Variants in ZNF804A observed in about 807,000 individuals in gnomAD.
ZNF804A encodes the protein zinc finger protein 804A.
In ZNF804A, 2 loss-of-function variants were observed where a neutral mutation model predicts 16.5. The observed-to-expected ratio is 0.12, with a 90% CI of 0.05 to 0.38. ZNF804A has a LOEUF of 0.38. ZNF804A is among the 10% of genes least tolerant of loss of function. ZNF804A has a pLI of 0.99. For missense variants in ZNF804A, 1,473 were observed against 1,390.7 expected (o/e 1.06, Z -0.94); for synonymous variants, 534 against 489.6 (o/e 1.09, Z -1.20).
At chr2:184,717,531 A>G (rs991109934) in intron 1 of ZNF804A, among the ~76,000 whole-genome samples, 1 of 152,198 alleles carries the variant, frequency 6.6e-6, no homozygotes, top group Non-Finnish European at 1.5e-5. Flanking sequence ...ATAGGAGAGA[A>G]GAGAGATACT....
chr2:184,613,738 G>A (rs1391987668), intron 1 of ZNF804A, among the ~76,000 whole-genome samples: 1 of 152,042 alleles, frequency 6.6e-6, no homozygotes, highest in African/African-American at 2.4e-5. Context: ...GAATGTGAAG[G>A]ACCTCTTCAA....
intron 1 of ZNF804A, among the ~76,000 whole-genome samples, chr2:184,760,339 A>G (rs1197988810): frequency 2.0e-5 from 3 of 152,184 alleles, no homozygotes; most frequent in African/African-American, 4.8e-5. Context: ...ATATGTAAAT[A>G]AGTACATATG....
chr2:184,730,348 T>C (rs1051074814), intron 1 of ZNF804A, among the ~76,000 whole-genome samples: 6 of 152,136 alleles, frequency 3.9e-5, no homozygotes, highest in Non-Finnish European at 5.9e-5. Context: ...GAGTAGTATA[T>C]TTGTTAAAAT....
chr2:184,682,233 G>T (rs564319054), intron 1 of ZNF804A, among the ~76,000 whole-genome samples: 1 of 152,350 alleles, frequency 6.6e-6, no homozygotes, highest in South Asian at 2.1e-4. Context: ...CAAGCCCGGA[G>T]GGTGTCAGCA....
At chr2:184,899,228 G>A (rs535938622) in intron 2 of ZNF804A, among the ~76,000 whole-genome samples, 1 of 152,044 alleles carries the variant, frequency 6.6e-6, no homozygotes, top group South Asian at 2.1e-4. Context: ...AATATAAGAT[G>A]TATATGTGTG....
chr2:184,691,253 C>CA (rs1692720436), intron 1 of ZNF804A, among the ~76,000 whole-genome samples: 1 of 151,940 alleles, frequency 6.6e-6, no homozygotes, highest in East Asian at 1.9e-4. Context: ...ACTTGCTCAG[C>CA]AAAAAACCTT....
chr2:184,880,985 T>C (rs774698581), intron 2 of ZNF804A, among the ~76,000 whole-genome samples: 3 of 152,076 alleles, frequency 2.0e-5, no homozygotes, highest in Admixed American at 6.6e-5. Context: ...ATTCAGGAGA[T>C]AGTTGAAACC....
At chr2:184,701,938 A>G (rs1440935072) in intron 1 of ZNF804A, among the ~76,000 whole-genome samples, 1 of 151,994 alleles carries the variant, frequency 6.6e-6, no homozygotes, top group Non-Finnish European at 1.5e-5. Context: ...CATTTGATAA[A>G]GCACTTTGGT....
intron 2 of ZNF804A, among the ~76,000 whole-genome samples, chr2:184,899,503 T>C (rs1227593201): frequency 6.6e-6 from 1 of 152,012 alleles, no homozygotes; most frequent in African/African-American, 2.4e-5. Context: ...GCATGGATTC[T>C]AGGGGATTTA....
chr2:184,851,027 T>G (rs542959217), intron 1 of ZNF804A, among the ~76,000 whole-genome samples: 12 of 151,932 alleles, frequency 7.9e-5, no homozygotes, highest in African/African-American at 2.4e-4. Context: ...CTGTTCTGTT[T>G]GCTTTTTTAC....
intron 1 of ZNF804A, among the ~76,000 whole-genome samples, chr2:184,617,525 C>A (rs1406518373): frequency 6.6e-6 from 1 of 151,770 alleles, no homozygotes; most frequent in African/African-American, 2.4e-5. Flanking sequence ...GAAGATTTAA[C>A]AATTGAGAGC....
intron 1 of ZNF804A, among the ~76,000 whole-genome samples, chr2:184,828,863 A>G (rs1695216137): frequency 1.3e-5 from 2 of 151,872 alleles, no homozygotes; most frequent in Admixed American, 1.3e-4. Context: ...TAGGTCACTA[A>G]AACTATTCTT....
chr2:184,910,609 T>C (rs1482393721), intron 2 of ZNF804A, among the ~76,000 whole-genome samples: 2 of 152,030 alleles, frequency 1.3e-5, no homozygotes, highest in African/African-American at 4.8e-5. Flanking sequence ...AGAAGCATTC[T>C]CTTTTCTCCA....
chr2:184,676,561 G>T (rs534131048), intron 1 of ZNF804A, among the ~76,000 whole-genome samples: 1 of 151,602 alleles, frequency 6.6e-6, no homozygotes, highest in African/African-American at 2.4e-5. Flanking sequence ...TGTATTATAT[G>T]TTAATAATTT....
chr2:184,853,288 A>G (rs929437703), intron 1 of ZNF804A, among the ~76,000 whole-genome samples: 1 of 151,914 alleles, frequency 6.6e-6, no homozygotes, highest in Non-Finnish European at 1.5e-5. Flanking sequence ...ATATACTACA[A>G]CTTTAGTGAA....
intron 1 of ZNF804A, among the ~76,000 whole-genome samples, chr2:184,746,417 G>A (rs889190069): frequency 1.3e-5 from 2 of 150,894 alleles, no homozygotes; most frequent in African/African-American, 4.8e-5. Context: ...ACAAAAAATT[G>A]TGGGTACATA....
At chr2:184,616,060 A>G (rs1341864917) in intron 1 of ZNF804A, among the ~76,000 whole-genome samples, 1 of 152,198 alleles carries the variant, frequency 6.6e-6, no homozygotes, top group African/African-American at 2.4e-5. Flanking sequence ...AACCTATTTT[A>G]TGCATCATTC....
chr2:184,825,688 T>A (rs990112913), intron 1 of ZNF804A, among the ~76,000 whole-genome samples: 1 of 152,030 alleles, frequency 6.6e-6, no homozygotes, highest in Non-Finnish European at 1.5e-5. Flanking sequence ...TAGGGAATGT[T>A]CAAACATACA....
At chr2:184,691,613 A>C (rs796223718) in intron 1 of ZNF804A, among the ~76,000 whole-genome samples, 1 of 151,822 alleles carries the variant, frequency 6.6e-6, no homozygotes, top group Non-Finnish European at 1.5e-5. Flanking sequence ...AAATATTAGA[A>C]TATTATTATT....
Sources: allele counts gnomAD v4.1 joint callset (sites outside exome capture counted in the v4.1 genomes callset), GRCh38; gene constraint gnomAD v4.1.1; transcripts MANE v1.5; gene names NCBI Gene and HGNC (gene_info 2026-07-23, HGNC 2026-07-21).